USP21: variants seen among roughly 807,000 people sequenced by gnomAD.
USP21 encodes ubiquitin specific peptidase 21.
Under a neutral mutation model 70.8 loss-of-function variants are expected in USP21, and 37 were observed. The observed-to-expected ratio is 0.52, with a 90% CI of 0.40 to 0.69. The LOEUF (loss-of-function observed/expected upper bound fraction) is 0.69, where lower values mean the gene tolerates loss of function less well. Among genes scored for constraint, USP21 ranks in the 30% least tolerant of loss-of-function variants. The pLI is 0.00. For synonymous variants in USP21, 263 were observed against 283.1 expected, an observed-to-expected ratio of 0.93 and a Z score of 0.71; for missense variants, 584 against 740.8, an observed-to-expected ratio of 0.79 and a Z score of 2.46.
Position 161,164,900 on chromosome 1 carries a change from C to T in USP21, c.1450C>T (p.Leu484=). ...AAGTTCAGTAGGTGTAGACTTTCCACTGCAGCGACTGAGCCTAGGGGACTT... is the reference window on the plus strand; with the variant it reads ...AAGTTCAGTAGGTGTAGACTTTCCATTGCAGCGACTGAGCCTAGGGGACTT... The part of the protein sequence containing the change: ...KKSSVGVDFP[L]QRLSLGDFAS... The change falls in exon 12 of 14, where the codon CTG becomes TTG. Residue 484 remains leucine (L), a synonymous_variant. Coordinates refer to ENST00000368002, the MANE Select transcript of USP21 (RefSeq NM_001014443.3). This position sits in a 1 kb window ranked among gnomAD's most constrained non-coding sequence, Gnocchi z 4.2. The T allele has an allele frequency of 6.2e-7, 1 of 1,614,178 alleles. No homozygotes were observed. Among genetic ancestry groups the T allele is most frequent in the South Asian group, 1.1e-5 (1 of 91,086 alleles).
Position 161,165,630 on chromosome 1 carries a change from G to A in USP21, c.*183G>A. On this transcript the variant is annotated 3_prime_UTR_variant, in exon 14 of 14. Transcript: ENST00000368002. ...CACCTGGAGGCTCCCTTGTCTCCCA[G>A]CCCCATGTACAAAGCTCACCAAGCC... 1.7e-6 allele frequency: 1 copy of A among 579,636 alleles called. No homozygotes were observed. The highest frequency in any genetic ancestry group is 3.1e-6 in the Non-Finnish European group (1 of 325,212). The allele number at this position is 579,636 out of a possible 1,614,324, so 35.9% of individuals were successfully genotyped here.
At position 161,163,122 on chromosome 1, in the gene USP21, A is replaced by G. The variant is rs1396731404; in HGVS notation, c.1049+48A>G. ...CCTTTCCCCGTAGTTTATCAGCATC[A>G]TTCACACTTCATAGAACTAAACTAG... On this transcript the variant is annotated intron_variant, in intron 7 of 13. Transcript: ENST00000368002. 5.2e-6 allele frequency: 8 copies of G among 1,540,834 alleles called. No individual in the cohort carries two copies. In the African/African-American group the frequency reaches 9.7e-5, roughly 19 times the overall value.
At chr1:161,160,531 G>C (rs1245453400) in intron 2 of USP21, 25 bp downstream of exon 2, 28 of 1,332,760 alleles carry the variant, frequency 2.1e-5, no homozygotes, top group Non-Finnish European at 5.2e-6. Flanking sequence ...AAAGCAATAA[G>C]GGAAAATTAG....
chr1:161,163,174 G>A, intron 7 of USP21, 100 bp downstream of exon 7: 1 of 1,398,086 alleles, frequency 7.2e-7, no homozygotes, highest in Non-Finnish European at 9.7e-7. Flanking sequence ...AGGGTCCAGG[G>A]AAACCCTTTA....
intron 1 of USP21, among the ~76,000 whole-genome samples, chr1:161,159,951 T>C (rs917594083): frequency 6.6e-6 from 1 of 152,150 alleles, no homozygotes; most frequent in African/African-American, 2.4e-5. Context: ...GTCAAGGAGT[T>C]GTTCGTCCTC....
Position 161,162,876 on chromosome 1 carries a change from C to T in USP21, c.894-43C>T. On this transcript the variant is annotated intron_variant, in intron 6 of 13. Coordinates refer to ENST00000368002, the MANE Select transcript of USP21 (RefSeq NM_001014443.3). This position sits in a 1 kb window ranked among gnomAD's most constrained non-coding sequence, Gnocchi z 4.1. ...CTGGGCAGGGAATAGTGTCTGTGGA[C>T]TAGGAGAGGAGTCAGTTGCCCATAC... is the stretch of plus-strand genomic sequence containing the variant. 1 of 1,597,702 alleles carries T rather than the reference C, an allele frequency of 6.3e-7. No homozygotes were observed.
Position 161,160,966 on chromosome 1 carries a change from C to G in USP21, c.326C>G (p.Ala109Gly), listed in dbSNP as rs751053740. Residue 109 changes from alanine to glycine, a missense_variant, in exon 3 of 14, where the codon GCC becomes GGC. Ala to Gly is a moderately conservative substitution (Grantham distance 60). Transcript: ENST00000368002. ...ALPLPSRTNL[A>G]RSKSVSSGDL... ...CCTCTCCCATCTCGGACCAACTTAGCCCGTTCCAAGTCTGTGAGCAGTGGG... is the reference window on the plus strand; with the variant it reads ...CCTCTCCCATCTCGGACCAACTTAGGCCGTTCCAAGTCTGTGAGCAGTGGG... The G allele has an allele frequency of 1.2e-6, 2 of 1,614,268 alleles. No homozygotes were observed. The highest frequency in any genetic ancestry group is 1.7e-6 in the Non-Finnish European group (2 of 1,180,048).
chr1:161,162,399 A>G lies in USP21; in HGVS notation c.781+9A>G. On this transcript the variant is annotated intron_variant, in intron 5 of 13. Transcript: ENST00000368002. This position sits in a 1 kb window ranked among gnomAD's most constrained non-coding sequence, Gnocchi z 4.1. Reference sequence around the variant, plus strand: ...CCAAGAGCTCACTGAAGGTGGGGCAACAACTCCTGCTCCCTCTGTTCAAGT... The same window carrying G: ...CCAAGAGCTCACTGAAGGTGGGGCAGCAACTCCTGCTCCCTCTGTTCAAGT... 1 of 1,599,818 alleles carries G rather than the reference A, an allele frequency of 6.3e-7. No individual in the cohort carries two copies. Among genetic ancestry groups the G allele is most frequent in the South Asian group, 1.1e-5 (1 of 88,520 alleles).
chr1:161,164,472 T>C lies in USP21; in HGVS notation c.1306-62T>C. 6.3e-7 allele frequency: 1 copy of C among 1,588,010 alleles called. No individual in the cohort carries two copies. On this transcript the variant is annotated intron_variant, in intron 10 of 13. Transcript: ENST00000368002. This position sits in a 1 kb window ranked among gnomAD's most constrained non-coding sequence, Gnocchi z 4.2. ...TACTAAATTTGTATGTGGATCGGGG[T>C]GTCAGAAAAGCCAATTGAGGTTAGG...
chr1:161,162,856 C>T lies in USP21; in HGVS notation c.894-63C>T. The T allele has an allele frequency of 2.5e-6, 4 of 1,591,042 alleles. No homozygotes were observed. The highest frequency in any genetic ancestry group is 3.4e-6 in the Non-Finnish European group (4 of 1,163,172). On this transcript the variant is annotated intron_variant, in intron 6 of 13. Coordinates refer to ENST00000368002, the MANE Select transcript of USP21 (RefSeq NM_001014443.3). This position sits in a 1 kb window ranked among gnomAD's most constrained non-coding sequence, Gnocchi z 4.1. Reference sequence around the variant, plus strand: ...CAGGAAGTGGGGACCAATATCTGGGCAGGGAATAGTGTCTGTGGACTAGGA... The same window carrying T: ...CAGGAAGTGGGGACCAATATCTGGGTAGGGAATAGTGTCTGTGGACTAGGA...
At position 161,162,980 on chromosome 1, in the gene USP21, C is replaced by T. The variant is rs760601517; in HGVS notation, c.955C>T (p.Arg319Cys). The part of the protein sequence containing the change: ...LMERLHLEIN[R>C]RGRRAPPILA... ...GGAGCGGCTACACCTTGAAATCAACCGCCGAGGCCGCCGGGCTCCACCGAT... is the reference window on the plus strand; with the variant it reads ...GGAGCGGCTACACCTTGAAATCAACTGCCGAGGCCGCCGGGCTCCACCGAT... Residue 319 changes from arginine to cysteine, a missense_variant, in exon 7 of 14, where the codon CGC becomes TGC. This residue lies in a region of USP21 where 87 missense variants were observed against 162.4 expected (regional missense o/e 0.54). Transcript: ENST00000368002. This position sits in a 1 kb window ranked among gnomAD's most constrained non-coding sequence, Gnocchi z 4.1. 8 of 1,613,834 alleles carry T rather than the reference C, an allele frequency of 5.0e-6. No homozygotes were observed. The highest frequency in any genetic ancestry group is 3.3e-5 in the Admixed American group (2 of 59,922).
At chr1:161,163,700 AG>A (rs1658135965) in intron 8 of USP21, 81 bp downstream of exon 8, 1 of 1,468,138 alleles carries the variant, frequency 6.8e-7, no homozygotes, top group Non-Finnish European at 9.5e-7. Flanking sequence ...GATACTATCA[AG>A]GGGTATGGGA....
At position 161,162,344 on chromosome 1, in the gene USP21, C is replaced by G. The variant is rs1258110666; in HGVS notation, c.735C>G (p.Phe245Leu). ...GGGACTTCTGTCTGAGAAGGGACTT[C>G]CGGCAAGAGGTGCCTGGAGGAGGCC... The part of the protein sequence containing the change: ...PLRDFCLRRD[F>L]RQEVPGGGRA... The change falls in exon 5 of 14, where the codon TTC (phenylalanine) becomes TTG (leucine). Residue 245 changes from phenylalanine to leucine, a missense_variant. Coordinates refer to ENST00000368002, the MANE Select transcript of USP21 (RefSeq NM_001014443.3). The surrounding 1 kb of genome is among the most constrained non-coding windows in gnomAD (Gnocchi z 4.1). The G allele has an allele frequency of 6.2e-7, 1 of 1,613,466 alleles. No individual in the cohort carries two copies. Among genetic ancestry groups the G allele is most frequent in the African/African-American group, 1.3e-5 (1 of 74,916 alleles).
chr1:161,163,075 G>T lies in USP21; in HGVS notation c.1049+1G>T. On this transcript the variant is annotated splice_donor_variant, in intron 7 of 13. Transcript: ENST00000368002. LOFTEE classifies it high-confidence loss of function. ...CTCTGCTAGAAGAACCTGAGTTAAG[G>T]TAAGGGTCGTTCCCTCTACCTCCTT... 6.3e-7 allele frequency: 1 copy of T among 1,594,980 alleles called. No individual in the cohort carries two copies. Among genetic ancestry groups the T allele is most frequent in the Non-Finnish European group, 8.5e-7 (1 of 1,171,898 alleles).
In USP21 at chr1:161,162,637, C is replaced by T. The variant is rs938964861; in HGVS notation, c.804C>T (p.Ala268=). ...LTEAFADVIG[A]LWHPDSCEAV... ...CAGCCTTTGCAGATGTGATTGGTGC[C>T]CTCTGGCACCCTGACTCCTGCGAAG... Residue 268 remains alanine, a synonymous_variant, in exon 6 of 14, where the codon GCC becomes GCT. Coordinates refer to ENST00000368002, the MANE Select transcript of USP21 (RefSeq NM_001014443.3). The surrounding 1 kb of genome is among the most constrained non-coding windows in gnomAD (Gnocchi z 4.1). 1.9e-6 allele frequency: 3 copies of T among 1,613,890 alleles called. No homozygotes were observed. The highest frequency in any genetic ancestry group is 1.1e-5 in the South Asian group (1 of 91,070).
Position 161,164,817 on chromosome 1 carries a change from T to C in USP21, c.1385-18T>C. 6.2e-7 allele frequency: 1 copy of C among 1,610,062 alleles called. No homozygotes were observed. The highest frequency in any genetic ancestry group is 8.5e-7 in the Non-Finnish European group (1 of 1,177,684). ...CAGAGGCCCACTGCCTCCCAAATGC[T>C]CCTTAACCAGGGCTTAGATCTGAAT... is the stretch of plus-strand genomic sequence containing the variant. On this transcript the variant is annotated intron_variant, in intron 11 of 13. Coordinates refer to ENST00000368002, the MANE Select transcript of USP21 (RefSeq NM_001014443.3). This position sits in a 1 kb window ranked among gnomAD's most constrained non-coding sequence, Gnocchi z 4.2.
In USP21 at chr1:161,164,981, T is replaced by G. The variant is rs1435115229; in HGVS notation, c.1492+39T>G. The G allele has an allele frequency of 1.2e-6, 2 of 1,612,514 alleles. No individual in the cohort carries two copies. Among genetic ancestry groups the G allele is most frequent in the Admixed American group, 3.3e-5 (2 of 59,944 alleles). ...GGAAAGTCCTAAGGAGCCAAAGGAG[T>G]GGGGGCACAGCTCTGATTATAGAAC... On this transcript the variant is annotated intron_variant, in intron 12 of 13. Coordinates refer to ENST00000368002, the MANE Select transcript of USP21 (RefSeq NM_001014443.3). This position sits in a 1 kb window ranked among gnomAD's most constrained non-coding sequence, Gnocchi z 4.2.
Position 161,161,873 on chromosome 1 carries a change from T to G in USP21, c.601-165T>G, listed in dbSNP as rs1657955251. The stretch of plus-strand genomic sequence containing the variant: ...TCAGCTGTGATGGGCTTACTGCTCA[T>G]GACCAGTGAGGTAGGGAGACTAGAA... On this transcript the variant is annotated intron_variant, in intron 3 of 13. Coordinates refer to ENST00000368002, the MANE Select transcript of USP21 (RefSeq NM_001014443.3). The surrounding 1 kb of genome is among the most constrained non-coding windows in gnomAD (Gnocchi z 4.2). 4.3e-6 allele frequency: 3 copies of G among 693,818 alleles called. No individual in the cohort carries two copies. The East Asian group carries it at 8.0e-5, about 19-fold the overall frequency. The allele number at this position is 693,818 out of a possible 1,614,324, so 43.0% of individuals were successfully genotyped here.
In USP21 at chr1:161,164,394, T is replaced by C. The variant is rs1658295000; in HGVS notation, c.1306-140T>C. On this transcript the variant is annotated intron_variant, in intron 10 of 13. Coordinates refer to ENST00000368002, the MANE Select transcript of USP21 (RefSeq NM_001014443.3). This position sits in a 1 kb window ranked among gnomAD's most constrained non-coding sequence, Gnocchi z 4.2. ...TGTTGGAGTCTCAGATCTGTTCTAG[T>C]ACTCCTAGAGCAAAGGGGAGAAGCC... is the stretch of plus-strand genomic sequence containing the variant. The C allele has an allele frequency of 2.3e-6, 3 of 1,290,686 alleles. No individual in the cohort carries two copies. Among genetic ancestry groups the C allele is most frequent in the Admixed American group, 3.8e-5 (2 of 53,054 alleles). 80.0% of individuals were successfully genotyped at this position (1,290,686 alleles called of 1,614,324 possible).
Sources: allele counts gnomAD v4.1 joint callset (sites outside exome capture counted in the v4.1 genomes callset), GRCh38; gene constraint gnomAD v4.1.1; regional missense constraint gnomAD v4.1.1; non-coding constraint Gnocchi (gnomAD v3.1); transcripts MANE v1.5; gene names NCBI Gene and HGNC (gene_info 2026-07-23, HGNC 2026-07-21).